Variants in MUS81 observed in about 807,000 individuals in gnomAD.
MUS81 encodes the protein structure-specific endonuclease subunit MUS81.
A neutral mutation model predicts 74.2 loss-of-function variants in MUS81; 69 were observed. That is an observed-to-expected ratio of 0.93 (90% CI 0.77 to 1.14). MUS81 has a LOEUF of 1.14. Ranked by LOEUF, MUS81 falls within the 50% of genes most tolerant of loss-of-function variation. MUS81 has a pLI of 0.00. For synonymous variants in MUS81, 303 were observed against 300.6 expected, an observed-to-expected ratio of 1.01 and a Z score of -0.08; for missense variants, 711 against 726.5, an observed-to-expected ratio of 0.98 and a Z score of 0.25.
chr11:65,866,493 G>A (rs1274659017), downstream of MUS81: 2 of 702,578 alleles, frequency 2.8e-6, no homozygotes, highest in African/African-American at 1.7e-5. Context: ...GAACTACTAG[G>A]GCTTATCCAA....
rs1475502868 is a variant in MUS81 at position 65,863,064 on chromosome 11, G to C, written c.606-1G>C. On this transcript the variant is annotated splice_acceptor_variant, in intron 6 of 15. Transcript: ENST00000308110. LOFTEE classifies it high-confidence loss of function. ...GCTGTGTTGTCCCCTCTGCCTCCCA[G>C]GTACTCATTGACCCCAGAGGGCCTG... 6.2e-7 allele frequency: 1 copy of C among 1,614,064 alleles called. No homozygotes were observed. The highest frequency in any genetic ancestry group is 1.7e-5 in the Admixed American group (1 of 60,020).
chr11:65,860,523 A>AAATACTTT lies in MUS81; in HGVS notation c.-231_-230insAATACTTT. 1 of 603,016 alleles carries AAATACTTT rather than the reference A, an allele frequency of 1.7e-6. No homozygotes were observed. The highest frequency in any genetic ancestry group is 2.9e-6 in the Non-Finnish European group (1 of 339,246). The allele number at this position is 603,016 out of a possible 1,614,324, so 37.4% of individuals were successfully genotyped here. A position where few individuals can be genotyped will look rare whatever the true frequency, so the allele number is the denominator to read the frequency against. ...TGGAGCCAAGGGAAAAGATCGTTAGAGACAGCGCCCCTGACCAACCACTTA... is the reference window on the plus strand; with the variant it reads ...TGGAGCCAAGGGAAAAGATCGTTAGAAATACTTTGACAGCGCCCCTGACCAACCACTTA... On this transcript the variant is annotated 5_prime_UTR_variant, in exon 1 of 16. Transcript: ENST00000308110.
chr11:65,861,285 G>A, intron 2 of MUS81, 65 bp from the exon 3 acceptor site: 1 of 1,535,526 alleles, frequency 6.5e-7, no homozygotes, highest in Non-Finnish European at 8.8e-7. Context: ...TGAGTAGGTT[G>A]CATCCCAGAT....
At chr11:65,862,642 T>G in intron 6 of MUS81, 113 bp downstream of exon 6, 2 of 996,014 alleles carry the variant, frequency 2.0e-6, no homozygotes, top group Non-Finnish European at 1.5e-6. Flanking sequence ...GGGGTGGGCC[T>G]TTCCTCAGGA....
chr11:65,867,366 G>C (rs573770407), downstream of MUS81: 4 of 531,154 alleles, frequency 7.5e-6, no homozygotes, highest in Non-Finnish European at 1.0e-5. Flanking sequence ...CTTGGGACTG[G>C]TGGGACCTTT....
At position 65,861,411 on chromosome 11, in the gene MUS81, G is replaced by A; in HGVS notation, c.327G>A (p.Ala109=). Residue 109 remains alanine (A), a synonymous_variant, in exon 3 of 16, where the codon GCG becomes GCA. Transcript: ENST00000308110. ...ENSPAPQGRL[A]EVQDSSMPVP... is the part of the protein sequence containing the mutation. ...GTCCAGCCCCGCAGGGGCGACTTGC[G>A]GAAGTCCAGGACTCTTCCATGCCAG... 3.7e-6 allele frequency: 6 copies of A among 1,603,782 alleles called. No homozygotes were observed. The highest frequency in any genetic ancestry group is 5.1e-6 in the Non-Finnish European group (6 of 1,174,300).
rs941431516 is a variant in MUS81, at chr11:65,865,905, G to C, written c.1589+11G>C. On this transcript the variant is annotated intron_variant, in intron 15 of 15. Transcript: ENST00000308110. ...TGGGCGTCTACAGAGGTGAGGGCAAGAGACGGAACCTGGAGGGAGTGGCAG... is the reference window on the plus strand; with the variant it reads ...TGGGCGTCTACAGAGGTGAGGGCAACAGACGGAACCTGGAGGGAGTGGCAG... 6 of 1,614,048 alleles carry C rather than the reference G, an allele frequency of 3.7e-6. No homozygotes were observed. The highest frequency in any genetic ancestry group is 5.1e-6 in the Non-Finnish European group (6 of 1,180,002).
Position 65,861,381 on chromosome 11 carries a change from G to T in MUS81, c.297G>T (p.Glu99Asp). Residue 99 changes from glutamate (E) to aspartate (D), a missense_variant, in exon 3 of 16, where the codon GAG becomes GAT. By Grantham distance (45) the Glu-to-Asp change is conservative. Coordinates refer to ENST00000308110, the MANE Select transcript of MUS81 (RefSeq NM_025128.5). ...GDHAPDSPSGENSPAPQGRLA... is the reference protein window; with the variant it reads ...GDHAPDSPSGDNSPAPQGRLA... Reference sequence around the variant, plus strand: ...ATGCCCCGGACTCACCATCTGGAGAGAACAGTCCAGCCCCGCAGGGGCGAC... The same window carrying T: ...ATGCCCCGGACTCACCATCTGGAGATAACAGTCCAGCCCCGCAGGGGCGAC... The T allele has an allele frequency of 6.2e-7, 1 of 1,602,936 alleles. No individual in the cohort carries two copies. The highest frequency in any genetic ancestry group is 1.3e-5 in the African/African-American group (1 of 74,864).
chr11:65,863,499 G>A lies in MUS81; in HGVS notation c.836G>A (p.Arg279Gln), dbSNP rs143145862. 130 of 1,614,142 alleles carry A rather than the reference G, an allele frequency of 8.1e-5. 1 individual carries two copies. In the East Asian group the frequency reaches 1.0e-3, roughly 13 times the overall value. ...TTGTGTGTGGACATTGGCGAGACCC[G>A]GGGGTGAGTGAGGTGGGGAGAAACG... ...VLLCVDIGET[R>Q]GGGHRPELLR... The change falls in exon 8 of 16, where the codon CGG becomes CAG. Residue 279 changes from arginine (R) to glutamine (Q), a missense_variant. Arg to Gln is a conservative substitution (Grantham distance 43). Transcript: ENST00000308110.
At chr11:65,862,677 G>C (rs1315164537) in intron 6 of MUS81, 148 bp downstream of exon 6, 1 of 795,082 alleles carries the variant, frequency 1.3e-6, no homozygotes, top group Non-Finnish European at 2.0e-6. Context: ...AATACCTGGA[G>C]GGTGTGAAAC....
chr11:65,860,978 G>C lies in MUS81; in HGVS notation c.141G>C (p.Leu47=). Reference sequence around the variant, plus strand: ...CCCTACCCCTGCCCGGCCAGGCGCTGCGTTCCCTCCGACGGTACCCACTGC... The same window carrying C: ...CCCTACCCCTGCCCGGCCAGGCGCTCCGTTCCCTCCGACGGTACCCACTGC... The part of the protein sequence containing the change: ...RRTRFVFQKA[L]RSLRRYPLPL... Residue 47 remains leucine (L), a synonymous_variant, in exon 2 of 16, where the codon CTG becomes CTC. Coordinates refer to ENST00000308110, the MANE Select transcript of MUS81 (RefSeq NM_025128.5). 15 of 1,611,978 alleles carry C rather than the reference G, an allele frequency of 9.3e-6. No homozygotes were observed. Among genetic ancestry groups the C allele is most frequent in the Non-Finnish European group, 1.3e-5 (15 of 1,179,616 alleles).
intron 9 of MUS81, 30 bp from the exon 10 acceptor site, chr11:65,863,774 A>G: frequency 6.2e-7 from 1 of 1,614,146 alleles, no homozygotes; most frequent in Non-Finnish European, 8.5e-7. Context: ...TGGGTAGGGG[A>G]TCGCAAGCTA....
At chr11:65,865,770 G>C (rs766546999) in intron 14 of MUS81, 41 bp from the exon 15 acceptor site, 1 of 1,600,938 alleles carries the variant, frequency 6.2e-7, no homozygotes, top group Non-Finnish European at 8.5e-7. Flanking sequence ...GCCCAGAGTG[G>C]GCCACTGTCA....
intron 11 of MUS81, 42 bp from the exon 12 acceptor site, chr11:65,864,678 A>G: frequency 2.5e-6 from 4 of 1,613,078 alleles, no homozygotes; most frequent in East Asian, 2.2e-5. Flanking sequence ...TTCATGGTCT[A>G]GGCCAGGAGC....
At chr11:65,861,158 G>A (rs769205435) in intron 2 of MUS81, 56 bp downstream of exon 2, 88 of 1,608,504 alleles carry the variant, frequency 5.5e-5, no homozygotes, top group Non-Finnish European at 6.9e-5. Context: ...TGGAGCCTCC[G>A]TACTCTCCTG....
intron 6 of MUS81, among the ~76,000 whole-genome samples, chr11:65,862,829 G>A (rs1350825415): frequency 6.6e-6 from 1 of 152,254 alleles, no homozygotes; most frequent in Non-Finnish European, 1.5e-5. Context: ...CAGCATTAGT[G>A]AAGACAGGAG....
At chr11:65,865,958 G>A (rs760026006) in intron 15 of MUS81, 28 bp from the exon 16 acceptor site, 9 of 1,613,912 alleles carry the variant, frequency 5.6e-6, no homozygotes, top group Admixed American at 3.3e-5. Flanking sequence ...GGCCCAGGGC[G>A]TGACCCTCGC....
upstream of MUS81, chr11:65,860,422 G>A: frequency 2.0e-6 from 1 of 506,678 alleles, no homozygotes; most frequent in Middle Eastern, 5.1e-4. Flanking sequence ...CCCCGCTCTC[G>A]AATCTGGGGT....
At chr11:65,867,361 G>A (rs574969276), downstream of MUS81, 34 of 535,496 alleles carry the variant, frequency 6.3e-5, no homozygotes, top group South Asian at 6.6e-4. Flanking sequence ...TGGCTCTTGG[G>A]ACTGGTGGGA....
Sources: allele counts gnomAD v4.1 joint callset (sites outside exome capture counted in the v4.1 genomes callset), GRCh38; gene constraint gnomAD v4.1.1; transcripts MANE v1.5; gene names NCBI Gene and HGNC (gene_info 2026-07-23, HGNC 2026-07-21).